Variants in AKTIP observed in about 807,000 individuals in gnomAD.
AKTIP encodes AKT-interacting protein.
Under a neutral mutation model 39.1 loss-of-function variants are expected in AKTIP, and 16 were observed. The ratio of observed to expected loss-of-function variants is 0.41; its 90% CI spans 0.28 to 0.62. The LOEUF (loss-of-function observed/expected upper bound fraction) is 0.62, where lower values mean the gene tolerates loss of function less well. AKTIP is among the 20% of genes least tolerant of loss of function. The pLI is 0.32. For missense variants in AKTIP, 262 were observed against 356.6 expected (o/e 0.73, Z 2.14); for synonymous variants, 93 against 124.3 (o/e 0.75, Z 1.67).
At chr16:53,499,310 C>T (rs1469004678) in intron 2 of AKTIP, among the ~76,000 whole-genome samples, 1 of 152,060 alleles carries the variant, frequency 6.6e-6, no homozygotes, top group Non-Finnish European at 1.5e-5. Flanking sequence ...ATCTAAAGGC[C>T]CTGAATTCAG....
At chr16:53,492,979 A>G in intron 8 of AKTIP, 2 of 502,342 alleles carry the variant, frequency 4.0e-6, no homozygotes, top group South Asian at 4.8e-5. Context: ...AAGTACTGTT[A>G]TTTAAAGATT....
In AKTIP at chr16:53,500,402, G is replaced by T. The variant is rs548773367; in HGVS notation, c.-70-73C>A. 6.5e-5 allele frequency: 61 copies of T among 944,804 alleles called. No homozygotes were observed. The South Asian group carries it at 1.1e-3, about 16-fold the overall frequency. 58.5% of individuals were successfully genotyped at this position (944,804 alleles called of 1,614,324 possible). ...AAGACTTTTTTTTTTTTTTAAGATG[G>T]AGTCTCACTCTGTTGCCCAGGCTGG... On this transcript the variant is annotated intron_variant, in intron 1 of 9. Coordinates refer to ENST00000394657, the MANE Select transcript of AKTIP (RefSeq NM_022476.4).
intron 4 of AKTIP, 24 bp downstream of exon 4, chr16:53,495,238 A>G: frequency 1.9e-6 from 3 of 1,614,108 alleles, no homozygotes; most frequent in Non-Finnish European, 2.5e-6. Flanking sequence ...GTGCCCATAA[A>G]TTAAGAGTGA....
upstream of AKTIP, among the ~76,000 whole-genome samples, chr16:53,503,815 C>A (rs1291035108): frequency 2.0e-5 from 3 of 152,228 alleles, no homozygotes; most frequent in Non-Finnish European, 2.9e-5. Context: ...CTTGGCGTGG[C>A]ATCAAGAAAC....
chr16:53,501,793 G>A (rs1962184628), intron 1 of AKTIP: 1 of 152,146 alleles, frequency 6.6e-6, no homozygotes, highest in South Asian at 2.1e-4. Context: ...TTAAATCAGA[G>A]GAATGAAGAT....
intron 3 of AKTIP, among the ~76,000 whole-genome samples, chr16:53,497,500 A>G (rs1407526981): frequency 6.6e-6 from 1 of 152,178 alleles, no homozygotes; most frequent in Non-Finnish European, 1.5e-5. Context: ...TCTCCAAGAA[A>G]ACTTCTCCAG....
At position 53,491,697 on chromosome 16, in the gene AKTIP, C is replaced by CAAAG. The variant is rs895717724; in HGVS notation, c.*711_*714dup. 6.6e-6 allele frequency: 1 copy of CAAAG among 152,470 alleles called. No homozygotes were observed. The highest frequency in any genetic ancestry group is 1.5e-5 in the Non-Finnish European group (1 of 68,002). The allele number at this position is 152,470 out of a possible 1,614,324, so 9.4% of individuals were successfully genotyped here. On this transcript the variant is annotated 3_prime_UTR_variant, in exon 10 of 10. Coordinates refer to ENST00000394657, the MANE Select transcript of AKTIP (RefSeq NM_022476.4). ...AAAGGGTAGTTTCCTGCATAAATGG[C>CAAAG]AAAGAACAATCATTTATTGGTTTAT...
At chr16:53,493,960 G>T (rs1961664536) in intron 8 of AKTIP, 178 bp downstream of exon 8, 2 of 564,380 alleles carry the variant, frequency 3.5e-6, no homozygotes, top group Non-Finnish European at 3.1e-6. Flanking sequence ...GAAGCTTTTT[G>T]TTTAAGAGAA....
chr16:53,502,879 T>G (rs1020655264), intron 1 of AKTIP: 48 of 151,828 alleles, frequency 3.2e-4, no homozygotes, highest in Non-Finnish European at 6.5e-4. Flanking sequence ...GCGAGCCAGC[T>G]GGGCCCCCCT....
At chr16:53,502,560 G>C (rs542048279) in intron 1 of AKTIP, 1 of 152,286 alleles carries the variant, frequency 6.6e-6, no homozygotes, top group Admixed American at 6.5e-5. Flanking sequence ...AGAGGAGACA[G>C]AGCAGGGGCC....
intron 8 of AKTIP, 117 bp downstream of exon 8, chr16:53,494,021 T>C (rs1598150062): frequency 2.7e-6 from 2 of 748,972 alleles, no homozygotes; most frequent in East Asian, 2.6e-5. Flanking sequence ...ATAAAGGTTG[T>C]AGGCTAACAG....
At chr16:53,503,830 G>T (rs947448379), upstream of AKTIP, among the ~76,000 whole-genome samples, 1 of 152,200 alleles carries the variant, frequency 6.6e-6, no homozygotes, top group Non-Finnish European at 1.5e-5. Context: ...AGAAACGCCC[G>T]TTCTCTCCAT....
intron 2 of AKTIP, among the ~76,000 whole-genome samples, chr16:53,499,467 T>C (rs924962851): frequency 8.0e-6 from 1 of 125,470 alleles, no homozygotes; most frequent in Non-Finnish European, 1.7e-5. Context: ...TTTTTTTTTT[T>C]CTTTTTGAGA....
At chr16:53,499,176 C>G (rs571020394) in intron 2 of AKTIP, among the ~76,000 whole-genome samples, 1 of 152,206 alleles carries the variant, frequency 6.6e-6, no homozygotes, top group African/African-American at 2.4e-5. Context: ...AGACAAAGGT[C>G]GACATGAGTC....
In AKTIP at chr16:53,493,027, A is replaced by G. The variant is rs1961589539; in HGVS notation, c.711-274T>C. ...CAGAGTAAATTAATTGCTCTGGGTT[A>G]CCAGAGCTAAAAAGTACAAAAGCCA... On this transcript the variant is annotated intron_variant, in intron 8 of 9. Transcript: ENST00000394657. 8.4e-5 allele frequency: 30 copies of G among 356,046 alleles called. No individual in the cohort carries two copies. The South Asian group carries it at 1.0e-3, about 12-fold the overall frequency. The allele number at this position is 356,046 out of a possible 1,614,324, so 22.1% of individuals were successfully genotyped here.
In AKTIP at chr16:53,495,098, T is replaced by C; in HGVS notation, c.389A>G (p.Asp130Gly). Reference sequence around the variant, plus strand: ...TGGACAGTCACCATCTGGATAGTTATCAGGGATGTAAACTGTAAACTTAAA... The same window carrying C: ...TGGACAGTCACCATCTGGATAGTTACCAGGGATGTAAACTGTAAACTTAAA... ...GVFKFTVYIP[D>G]NYPDGDCPRL... is the part of the protein sequence containing the mutation. Residue 130 changes from aspartate to glycine, a missense_variant, in exon 5 of 10, where the codon GAT (aspartate) becomes GGT (glycine). By Grantham distance (94) the Asp-to-Gly change is moderately conservative. Around this residue, in one of 4 missense-constraint regions of AKTIP, gnomAD observed 25 missense variants for 38.4 expected, o/e 0.65. Coordinates refer to ENST00000394657, the MANE Select transcript of AKTIP (RefSeq NM_022476.4). The C allele has an allele frequency of 1.2e-6, 2 of 1,614,124 alleles. No individual in the cohort carries two copies. The highest frequency in any genetic ancestry group is 1.7e-6 in the Non-Finnish European group (2 of 1,179,938).
chr16:53,503,807 T>G (rs1962328577), upstream of AKTIP, among the ~76,000 whole-genome samples: 2 of 152,188 alleles, frequency 1.3e-5, no homozygotes, highest in African/African-American at 4.8e-5. Context: ...GAAGGACACT[T>G]GGCGTGGCAT....
chr16:53,494,051 A>C lies in AKTIP; in HGVS notation c.710+87T>G. On this transcript the variant is annotated intron_variant, in intron 8 of 9. Transcript: ENST00000394657. ...TAACAGCTTATGCATGTGCCTTTTTATATCCCTATTCTGAGACCACCTGGA... is the reference window on the plus strand; with the variant it reads ...TAACAGCTTATGCATGTGCCTTTTTCTATCCCTATTCTGAGACCACCTGGA... 3 of 1,029,212 alleles carry C rather than the reference A, an allele frequency of 2.9e-6. No homozygotes were observed. In the South Asian group the frequency reaches 4.0e-5, roughly 14 times the overall value. The allele number at this position is 1,029,212 out of a possible 1,614,324, so 63.8% of individuals were successfully genotyped here.
At chr16:53,503,998 G>A (rs564670800), upstream of AKTIP, among the ~76,000 whole-genome samples, 9 of 152,230 alleles carry the variant, frequency 5.9e-5, no homozygotes, top group African/African-American at 1.9e-4. Flanking sequence ...GGAGGCTGAG[G>A]ACCAGGAATC....
Sources: allele counts gnomAD v4.1 joint callset (sites outside exome capture counted in the v4.1 genomes callset), GRCh38; gene constraint gnomAD v4.1.1; regional missense constraint gnomAD v4.1.1; transcripts MANE v1.5; gene names NCBI Gene and HGNC (gene_info 2026-07-23, HGNC 2026-07-21).